The following GTF2H5 variants were observed in gnomAD, a reference collection of about 807,000 sequenced individuals.
The protein encoded by GTF2H5 is general transcription factor IIH subunit 5, also known as TFB5 ortholog.
In GTF2H5, 5 loss-of-function variants were observed where a neutral mutation model predicts 7.1. The observed-to-expected ratio is 0.71, with a 90% CI of 0.37 to 1.49. The LOEUF is 1.49. Among genes scored for constraint, GTF2H5 ranks in the 40% most tolerant of loss-of-function variants. GTF2H5 has a pLI of 0.03. For synonymous variants in GTF2H5, 30 were observed against 31.7 expected (o/e 0.95, Z 0.18); for missense variants, 80 against 83.0 (o/e 0.96, Z 0.14).
At chr6:158,187,776 C>T (rs555417962) in intron 2 of GTF2H5, among the ~76,000 whole-genome samples, 14 of 152,082 alleles carry the variant, frequency 9.2e-5, no homozygotes, top group Non-Finnish European at 2.1e-4. Flanking sequence ...CCGTGTTATC[C>T]AGGATGGTCT....
In GTF2H5 at chr6:158,176,147, C is replaced by T. The variant is rs149557995; in HGVS notation, c.35+5609C>T. On this transcript the variant is annotated intron_variant, in intron 2 of 2. Coordinates refer to ENST00000607778, the MANE Select transcript of GTF2H5 (RefSeq NM_207118.3). ...ATTGTTAAACTGGGATTTTAAATCC[C>T]GGTATTCTGGCTCCAGAGCCCAGGC... Among the ~76,000 whole-genome samples the T allele has an allele frequency of 8.5e-5, 13 of 152,282 alleles. No individual in the cohort carries two copies. In the East Asian group the frequency reaches 1.5e-3, roughly 18 times the overall value.
intron 1 of GTF2H5, among the ~76,000 whole-genome samples, chr6:158,169,358 A>ATATATAATATGTATATTATATAT (rs1562467643): frequency 1.2e-5 from 1 of 80,922 alleles, no homozygotes; most frequent in East Asian, 6.2e-4. Context: ...TATATATAAT[A>ATATATAATATGTATATTATATAT]CATATATATA....
intron 2 of GTF2H5, among the ~76,000 whole-genome samples, chr6:158,186,502 G>A (rs185183052): frequency 2.6e-5 from 4 of 152,276 alleles, no homozygotes; most frequent in African/African-American, 7.2e-5. Context: ...GTTACATTTG[G>A]ATCCAAAGTT....
chr6:158,184,082 A>C (rs2128430960), intron 2 of GTF2H5, among the ~76,000 whole-genome samples: 1 of 152,284 alleles, frequency 6.6e-6, no homozygotes, highest in Non-Finnish European at 1.5e-5. Context: ...GACACTCCAC[A>C]ACCTTGGTTT....
rs1446723341 is a variant in GTF2H5, at chr6:158,198,402, C to T, written c.*6245C>T. 6.6e-6 allele frequency: 1 copy of T among 152,198 alleles called. No homozygotes were observed. Among genetic ancestry groups the T allele is most frequent in the African/African-American group, 2.4e-5 (1 of 41,440 alleles). 9.4% of individuals were successfully genotyped at this position (152,198 alleles called of 1,614,324 possible). On this transcript the variant is annotated 3_prime_UTR_variant, in exon 3 of 3. Transcript: ENST00000607778. ...GACTAGGCTATTTTTTCACTGTCCT[C>T]AGACATTTACTGAGTCCAGTTTGGA...
intron 1 of GTF2H5, among the ~76,000 whole-genome samples, chr6:158,168,937 AAAATACAAT>A (rs1785689430): frequency 6.6e-6 from 1 of 152,082 alleles, no homozygotes; most frequent in Non-Finnish European, 1.5e-5. Flanking sequence ...GTCTCCACTA[AAAATACAAT>A]AAATTGGCCT....
chr6:158,180,430 GT>G (rs1283715162), intron 2 of GTF2H5, among the ~76,000 whole-genome samples: 1 of 152,188 alleles, frequency 6.6e-6, no homozygotes, highest in Admixed American at 6.5e-5. Flanking sequence ...GATCGGAATA[GT>G]TTCGGAAGGA....
At chr6:158,171,828 G>C (rs1785860394) in intron 2 of GTF2H5, among the ~76,000 whole-genome samples, 1 of 152,196 alleles carries the variant, frequency 6.6e-6, no homozygotes, top group Non-Finnish European at 1.5e-5. Context: ...ACGTTGATGA[G>C]AGTAAACCAC....
chr6:158,189,775 T>TATAG (rs1282196503), intron 2 of GTF2H5, among the ~76,000 whole-genome samples: 1 of 152,246 alleles, frequency 6.6e-6, no homozygotes, highest in African/African-American at 2.4e-5. Context: ...TCACTGTCTC[T>TATAG]AATTTCTTTC....
intron 2 of GTF2H5, among the ~76,000 whole-genome samples, chr6:158,184,033 G>T (rs1284999831): frequency 6.6e-6 from 1 of 152,182 alleles, no homozygotes; most frequent in East Asian, 1.9e-4. Flanking sequence ...TGGCCATCTT[G>T]GAAGTGACTC....
chr6:158,185,413 G>A (rs968169468), intron 2 of GTF2H5, among the ~76,000 whole-genome samples: 8 of 151,760 alleles, frequency 5.3e-5, no homozygotes, highest in Non-Finnish European at 1.2e-4. Flanking sequence ...GGTGGCGTGC[G>A]CCTGTAGACC....
In GTF2H5 at chr6:158,192,059, G is replaced by A. The variant is rs777480675; in HGVS notation, c.118G>A (p.Asp40Asn). The change falls in exon 3 of 3, where the codon GAC becomes AAC. Residue 40 changes from aspartate (D) to asparagine (N), a missense_variant. By Grantham distance (23) the Asp-to-Asn change is conservative. Transcript: ENST00000607778. ...GKKFIIQDID[D>N]THVFVIAELV... ...GAAGTTCATCATTCAAGACATTGAT[G>A]ACACTCACGTCTTTGTAATAGCAGA... is the stretch of plus-strand genomic sequence containing the variant. 180 of 1,613,534 alleles carry A rather than the reference G, an allele frequency of 1.1e-4. No homozygotes were observed. Among genetic ancestry groups the A allele is most frequent in the Non-Finnish European group, 1.4e-4 (169 of 1,179,576 alleles).
intron 2 of GTF2H5, chr6:158,191,003 T>G: frequency 2.1e-6 from 1 of 485,616 alleles, no homozygotes; most frequent in South Asian, 1.5e-5. Flanking sequence ...AAACCACAAG[T>G]TAATAAAATT....
Position 158,197,999 on chromosome 6 carries a change from A to G in GTF2H5, c.*5842A>G, listed in dbSNP as rs1777138748. On this transcript the variant is annotated 3_prime_UTR_variant, in exon 3 of 3. Transcript: ENST00000607778. ...ATAAAAGAAATTATATTTTATTTTTATCTTTTAATTCTATTTTTCCATGAA... is the reference window on the plus strand; with the variant it reads ...ATAAAAGAAATTATATTTTATTTTTGTCTTTTAATTCTATTTTTCCATGAA... The G allele has an allele frequency of 6.6e-6, 1 of 152,204 alleles. No homozygotes were observed. 9.4% of individuals were successfully genotyped at this position (152,204 alleles called of 1,614,324 possible). A position where few individuals can be genotyped will look rare whatever the true frequency, so the allele number is the denominator to read the frequency against.
chr6:158,197,296 C>A lies in GTF2H5; in HGVS notation c.*5139C>A. ...CCAAATGCAGAAAGAAAAGCACAGT[C>A]GTCATGCAAAATAGTCACTACTCAT... On this transcript the variant is annotated 3_prime_UTR_variant, in exon 3 of 3. Coordinates refer to ENST00000607778, the MANE Select transcript of GTF2H5 (RefSeq NM_207118.3). 1 of 195,628 alleles carries A rather than the reference C, an allele frequency of 5.1e-6. No individual in the cohort carries two copies. Among genetic ancestry groups the A allele is most frequent in the Non-Finnish European group, 1.2e-5 (1 of 85,320 alleles). 12.1% of individuals were successfully genotyped at this position (195,628 alleles called of 1,614,324 possible).
At chr6:158,181,225 G>A (rs1786006375) in intron 2 of GTF2H5, among the ~76,000 whole-genome samples, 1 of 152,190 alleles carries the variant, frequency 6.6e-6, no homozygotes, top group South Asian at 2.1e-4. Context: ...ATTGCACTGT[G>A]GTCTGAGAGA....
chr6:158,183,561 T>A (rs1466764793), intron 2 of GTF2H5, among the ~76,000 whole-genome samples: 2 of 152,210 alleles, frequency 1.3e-5, no homozygotes, highest in African/African-American at 4.8e-5. Context: ...TCCCTGCTGC[T>A]TTGTTTACAC....
intron 1 of GTF2H5, among the ~76,000 whole-genome samples, chr6:158,169,404 GTATATTA>G (rs1444929440): frequency 0.014 from 1,098 of 77,152 alleles, 49 homozygotes; most frequent in African/African-American, 0.038. Context: ...ATATTATATT[GTATATTA>G]TATATTATAT....
intron 2 of GTF2H5, among the ~76,000 whole-genome samples, chr6:158,174,718 T>C (rs117099880): frequency 1.6e-3 from 239 of 152,264 alleles, no homozygotes; most frequent in Middle Eastern, 3.4e-3. Context: ...GTTGCCACAA[T>C]TGGTTTGGCA....
Sources: allele counts gnomAD v4.1 joint callset (sites outside exome capture counted in the v4.1 genomes callset), GRCh38; gene constraint gnomAD v4.1.1; transcripts MANE v1.5; gene names NCBI Gene and HGNC (gene_info 2026-07-23, HGNC 2026-07-21).